Variants in SDK1 observed in about 807,000 individuals in gnomAD.
SDK1 encodes the protein protein sidekick-1.
In SDK1, 157 loss-of-function variants were observed where a neutral mutation model predicts 245.5. That is an observed-to-expected ratio of 0.64 (90% CI 0.56 to 0.73). The LOEUF (loss-of-function observed/expected upper bound fraction) is 0.73, where lower values mean the gene tolerates loss of function less well. Ranked by LOEUF, SDK1 falls within the 30% of genes least tolerant of loss-of-function variation. SDK1 has a pLI of 0.00. For missense variants in SDK1, 3,583 were observed against 3,002.3 expected (o/e 1.19, Z -4.52); for synonymous variants, 1,647 against 1,278.5 (o/e 1.29, Z -6.15).
In SDK1 at chr7:3,496,458, CT is replaced by C. The variant is rs76227321; in HGVS notation, c.299-122609del. ...TCGAGGTATCACGCTGTGTTTTTAACTTTTTTTTTTTTTAGCATTACTGAAA... is the reference window on the plus strand; with the variant it reads ...TCGAGGTATCACGCTGTGTTTTTAACTTTTTTTTTTTTAGCATTACTGAAA... On this transcript the variant is annotated intron_variant, in intron 1 of 44. Coordinates refer to ENST00000404826, the MANE Select transcript of SDK1 (RefSeq NM_152744.4). 4.1e-3 allele frequency among the ~76,000 whole-genome samples: 586 copies of C among 142,282 alleles called. 2 individuals carry two copies. The highest frequency in any genetic ancestry group is 0.011 in the South Asian group (48 of 4,394). The allele number at this position is 142,282 out of a possible 152,430, so 93.3% of individuals were successfully genotyped here. A position where few individuals can be genotyped will look rare whatever the true frequency, so the allele number is the denominator to read the frequency against.
intron 30 of SDK1, among the ~76,000 whole-genome samples, chr7:4,150,875 G>A (rs554675290): frequency 6.6e-6 from 1 of 152,358 alleles, no homozygotes; most frequent in East Asian, 1.9e-4. Context: ...ACTTGCCCAG[G>A]GAGGGGTGGC....
intron 1 of SDK1, among the ~76,000 whole-genome samples, chr7:3,497,031 C>G (rs183227369): frequency 3.0e-4 from 45 of 152,166 alleles, no homozygotes; most frequent in African/African-American, 8.9e-4. Context: ...TGTCATTTAT[C>G]CAGTGAAAAA....
intron 4 of SDK1, among the ~76,000 whole-genome samples, chr7:3,699,898 T>C (rs1784691463): frequency 6.6e-6 from 1 of 152,042 alleles, no homozygotes; most frequent in African/African-American, 2.4e-5. Context: ...TCAAGAAACA[T>C]AGTAGTTAAA....
intron 16 of SDK1, 88 bp from the exon 17 acceptor site, chr7:4,017,083 C>T (rs1278340501): frequency 1.8e-5 from 23 of 1,276,436 alleles, no homozygotes; most frequent in Non-Finnish European, 2.3e-5. Context: ...ACTTCCATTT[C>T]CCCCTAACCC....
At chr7:3,746,250 A>C (rs1262197101) in intron 4 of SDK1, among the ~76,000 whole-genome samples, 2 of 152,232 alleles carry the variant, frequency 1.3e-5, no homozygotes, top group African/African-American at 4.8e-5. Context: ...TTAATTCAAA[A>C]ATACTTTATT....
At chr7:4,190,149 T>G (rs1032197814) in intron 35 of SDK1, among the ~76,000 whole-genome samples, 1 of 152,250 alleles carries the variant, frequency 6.6e-6, no homozygotes, top group South Asian at 2.1e-4. Flanking sequence ...ACAGGGTAAT[T>G]AACGTCGCAA....
At chr7:4,265,082 C>T (rs377606994) in intron 44 of SDK1, 42 bp from the exon 45 acceptor site, 253 of 1,590,036 alleles carry the variant, frequency 1.6e-4, no homozygotes, top group Non-Finnish European at 2.1e-4. Flanking sequence ...CCGGGCCCTG[C>T]GCCCTGCCCT....
At chr7:3,985,716 C>T (rs530197624) in intron 13 of SDK1, among the ~76,000 whole-genome samples, 1 of 152,260 alleles carries the variant, frequency 6.6e-6, no homozygotes, top group East Asian at 1.9e-4. Context: ...CCTGGGCTCG[C>T]ATTTATTCTT....
chr7:3,934,805 G>C (rs2044224), intron 5 of SDK1, among the ~76,000 whole-genome samples: 63,743 of 152,094 alleles, frequency 0.42, 16,180 homozygotes, highest in African/African-American at 0.72. Flanking sequence ...GCACTGAGCG[G>C]TGACCCCAGA....
At chr7:3,310,061 T>A (rs1410058483) in intron 1 of SDK1, among the ~76,000 whole-genome samples, 3 of 152,214 alleles carry the variant, frequency 2.0e-5, no homozygotes, top group African/African-American at 7.2e-5. Context: ...TAGAGCCACA[T>A]GCTCAAAAGC....
At chr7:3,435,311 A>AGG (rs1172099631) in intron 1 of SDK1, among the ~76,000 whole-genome samples, 1 of 129,452 alleles carries the variant, frequency 7.7e-6, no homozygotes, top group African/African-American at 3.2e-5. Flanking sequence ...TGACTTATGA[A>AGG]GGGGACTGCC....
chr7:3,955,256 G>A (rs554889125), intron 7 of SDK1, among the ~76,000 whole-genome samples: 119 of 152,306 alleles, frequency 7.8e-4, no homozygotes, highest in Middle Eastern at 3.4e-3. Flanking sequence ...CTGGCCAGGG[G>A]TCCCCTCAGG....
At chr7:4,243,640 T>A (rs1786663630) in intron 43 of SDK1, among the ~76,000 whole-genome samples, 1 of 152,122 alleles carries the variant, frequency 6.6e-6, no homozygotes, top group Non-Finnish European at 1.5e-5. Flanking sequence ...ACTTATTCAC[T>A]CTCACGAGAA....
At position 4,148,881 on chromosome 7, in the gene SDK1, C is replaced by A. The variant is rs183332043; in HGVS notation, c.4424-381C>A. Among the ~76,000 whole-genome samples, 410 of 152,272 alleles carry A rather than the reference C, an allele frequency of 2.7e-3. 1 individual carries two copies. The highest frequency in any genetic ancestry group is 6.8e-3 in the Middle Eastern group (2 of 294). On this transcript the variant is annotated intron_variant, in intron 29 of 44. Coordinates refer to ENST00000404826, the MANE Select transcript of SDK1 (RefSeq NM_152744.4). ...GACCATCCTGGCCAACATGGTGAAA[C>A]CCTGTCTCTACTAAAAATACAAAAA... is the stretch of plus-strand genomic sequence containing the variant.
rs534641269 is a variant in SDK1 at position 4,063,783 on chromosome 7, C to A, written c.2912-4055C>A. ...TGGCGTTAACAACAGACACATAGACCAATGGAACAGAATAGAGCACCCAGA... is the reference window on the plus strand; with the variant it reads ...TGGCGTTAACAACAGACACATAGACAAATGGAACAGAATAGAGCACCCAGA... On this transcript the variant is annotated intron_variant, in intron 19 of 44. Transcript: ENST00000404826. Among the ~76,000 whole-genome samples the A allele has an allele frequency of 3.3e-5, 5 of 152,018 alleles. No individual in the cohort carries two copies. In the East Asian group the frequency reaches 9.7e-4, roughly 29 times the overall value.
chr7:4,173,045 C>G (rs147667287), intron 32 of SDK1, among the ~76,000 whole-genome samples: 1 of 152,240 alleles, frequency 6.6e-6, no homozygotes, highest in Non-Finnish European at 1.5e-5. Flanking sequence ...CAAAGGGGCT[C>G]TCGTGCAGCA....
At chr7:3,699,089 A>G (rs550792326) in intron 4 of SDK1, among the ~76,000 whole-genome samples, 2 of 152,358 alleles carry the variant, frequency 1.3e-5, no homozygotes, top group South Asian at 4.1e-4. Context: ...GCCACCTGGC[A>G]GAAATGAAGG....
chr7:3,664,839 C>T (rs1207630356), intron 4 of SDK1, among the ~76,000 whole-genome samples: 20 of 152,134 alleles, frequency 1.3e-4, no homozygotes, highest in Admixed American at 5.9e-4. Context: ...ATCTTTCTTA[C>T]GGCTCTGAGA....
chr7:3,862,662 C>A (rs1780723029), intron 5 of SDK1, among the ~76,000 whole-genome samples: 1 of 152,128 alleles, frequency 6.6e-6, no homozygotes, highest in Non-Finnish European at 1.5e-5. Flanking sequence ...AAATGTCAGG[C>A]TTTTTAATAC....
Sources: gnomAD v4.1 joint callset for allele counts (sites outside exome capture counted in the v4.1 genomes callset) on GRCh38, gnomAD v4.1.1 for gene constraint, MANE v1.5 for transcripts, NCBI Gene and HGNC (gene_info 2026-07-23, HGNC 2026-07-21) for gene names.